Variants in RAVER1 observed in about 807,000 individuals in gnomAD.
The protein encoded by RAVER1 is ribonucleoprotein, PTB binding 1.
In RAVER1, 36 loss-of-function variants were observed where a neutral mutation model predicts 68.4. The observed-to-expected ratio is 0.53, with a 90% CI of 0.40 to 0.70. The LOEUF (loss-of-function observed/expected upper bound fraction) is 0.70. RAVER1 is among the 30% of genes least tolerant of loss of function. The pLI is 0.00. For missense variants in RAVER1, 933 were observed against 1,019.8 expected (o/e 0.91, Z 1.16); for synonymous variants, 469 against 472.7 (o/e 0.99, Z 0.10).
chr19:10,319,039 T>C, intron 10 of RAVER1, 127 bp downstream of exon 10: 1 of 831,080 alleles, frequency 1.2e-6, no homozygotes, highest in Non-Finnish European at 1.9e-6. Flanking sequence ...AGTGAGATCC[T>C]GTCTTAAAAA....
At chr19:10,321,722 G>A (rs367932256) in intron 6 of RAVER1, 104 bp from the exon 7 acceptor site, 6 of 862,472 alleles carry the variant, frequency 7.0e-6, no homozygotes, top group South Asian at 4.2e-5. Flanking sequence ...TCCAGGGCAC[G>A]GCCGATCCTG....
intron 1 of RAVER1, among the ~76,000 whole-genome samples, chr19:10,331,040 G>C (rs1397131577): frequency 6.7e-6 from 1 of 148,952 alleles, no homozygotes; most frequent in Non-Finnish European, 1.5e-5. Context: ...GTGACAAAGG[G>C]AGACACTGTC....
At chr19:10,331,304 T>C (rs1208564453) in intron 1 of RAVER1, among the ~76,000 whole-genome samples, 1 of 128,844 alleles carries the variant, frequency 7.8e-6, no homozygotes, top group Non-Finnish European at 1.5e-5. Context: ...GAGCCGAGAT[T>C]GCGCCACTGC....
chr19:10,324,210 G>A (rs12611016), intron 3 of RAVER1, among the ~76,000 whole-genome samples: 19,820 of 151,486 alleles, frequency 0.13, 1,712 homozygotes, highest in Admixed American at 0.25. Flanking sequence ...AAGGGCTCTC[G>A]TTCCAGACAG....
intron 2 of RAVER1, among the ~76,000 whole-genome samples, 154 bp downstream of exon 2, chr19:10,330,306 G>C (rs1303366699): frequency 6.6e-6 from 1 of 152,180 alleles, no homozygotes; most frequent in Admixed American, 6.5e-5. Context: ...GCTGTCCCAA[G>C]ATGACAGGAT....
Position 10,322,656 on chromosome 19 carries a change from G to T in RAVER1, c.1162C>A (p.Gln388Lys). The change falls in exon 6 of 13, where the codon CAG becomes AAG. Residue 388 changes from glutamine (Q) to lysine (K), a missense_variant. Physicochemically the swap from Gln to Lys is moderately conservative, Grantham distance 53 (BLOSUM62 1). Transcript: ENST00000617231. The surrounding 1 kb of genome is among the most constrained non-coding windows in gnomAD (Gnocchi z 4.3). ...TALLQLALQTQGQKKPGILGD... is the reference protein window; with the variant it reads ...TALLQLALQTKGQKKPGILGD... ...GATGCGTGTGTTACCTTCTGGCCCT[G>T]GGTCTGCAGGGCGAGCTGCAACAGC... 6.5e-7 allele frequency: 1 copy of T among 1,536,550 alleles called. No homozygotes were observed. Among genetic ancestry groups the T allele is most frequent in the Non-Finnish European group, 8.7e-7 (1 of 1,150,330 alleles).
At chr19:10,324,176 A>G (rs896571777) in intron 3 of RAVER1, among the ~76,000 whole-genome samples, 2 of 149,988 alleles carry the variant, frequency 1.3e-5, no homozygotes, top group Non-Finnish European at 3.0e-5. Flanking sequence ...AAAAAAAGAG[A>G]TAATCAGCAA....
Position 10,318,374 on chromosome 19 carries a change from T to C in RAVER1, c.1846-2A>G. The C allele has an allele frequency of 1.3e-6, 2 of 1,593,846 alleles. No homozygotes were observed. The highest frequency in any genetic ancestry group is 8.5e-7 in the Non-Finnish European group (1 of 1,172,802). On this transcript the variant is annotated splice_acceptor_variant, in intron 10 of 12. Coordinates refer to ENST00000617231, the MANE Select transcript of RAVER1 (RefSeq NM_133452.3). LOFTEE classifies it high-confidence loss of function. ...GAAGCCACTGGGCGGGGGGGACATCTGTAGAAGAAGGGCCGGTGGAGTGAA... is the reference window on the plus strand; with the variant it reads ...GAAGCCACTGGGCGGGGGGGACATCCGTAGAAGAAGGGCCGGTGGAGTGAA...
At position 10,333,017 on chromosome 19, in the gene RAVER1, C is replaced by T. The variant is rs2145088254; in HGVS notation, c.219+272G>A. The stretch of plus-strand genomic sequence containing the variant: ...CCCAACAGGACCAAAGCTGTCCGCC[C>T]CCTTCCATTCCCCGCCCGCTTCCAT... On this transcript the variant is annotated intron_variant, in intron 1 of 12. Transcript: ENST00000617231. This position sits in a 1 kb window ranked among gnomAD's most constrained non-coding sequence, Gnocchi z 4.2. 6.6e-6 allele frequency among the ~76,000 whole-genome samples: 1 copy of T among 152,288 alleles called. No individual in the cohort carries two copies. Among genetic ancestry groups the T allele is most frequent in the South Asian group, 2.1e-4 (1 of 4,824 alleles).
chr19:10,328,950 C>T lies in RAVER1; in HGVS notation c.448G>A (p.Glu150Lys). The change falls in exon 3 of 13, where the codon GAG becomes AAG. Residue 150 changes from glutamate (E) to lysine (K), a missense_variant. Physicochemically the swap from Glu to Lys is moderately conservative, Grantham distance 56. Transcript: ENST00000617231. The surrounding 1 kb of genome is among the most constrained non-coding windows in gnomAD (Gnocchi z 4.4). Reference protein sequence around the residue: ...PPSLTQQQFEELVRPFGSLER... With the variant: ...PPSLTQQQFEKLVRPFGSLER... ...AGGCTGCCGAAGGGCCGCACCAGCT[C>T]CTCGAACTGCTGCTGTGTGAGGCTG... is the stretch of plus-strand genomic sequence containing the variant. 6.2e-7 allele frequency: 1 copy of T among 1,606,826 alleles called. No individual in the cohort carries two copies. Among genetic ancestry groups the T allele is most frequent in the Admixed American group, 1.7e-5 (1 of 59,730 alleles).
chr19:10,317,685 C>G lies in RAVER1; in HGVS notation c.2073+5G>C, dbSNP rs774215306. The G allele has an allele frequency of 1.3e-6, 2 of 1,573,300 alleles. No individual in the cohort carries two copies. Among genetic ancestry groups the G allele is most frequent in the African/African-American group, 1.3e-5 (1 of 74,256 alleles). ...GCCCTGCATGTCCCCACCCCCTGCC[C>G]GTACCTTCAGCAGGTGGCTGTGACC... On this transcript the variant is annotated splice_donor_5th_base_variant and intron_variant, in intron 12 of 12. Transcript: ENST00000617231. This position sits in a 1 kb window ranked among gnomAD's most constrained non-coding sequence, Gnocchi z 4.3.
At chr19:10,325,558 T>C (rs1275485508) in intron 3 of RAVER1, among the ~76,000 whole-genome samples, 1 of 151,648 alleles carries the variant, frequency 6.6e-6, no homozygotes, top group Non-Finnish European at 1.5e-5. Flanking sequence ...GCCAGGCTGG[T>C]TTCGAACTCC....
intron 1 of RAVER1, 94 bp from the exon 2 acceptor site, chr19:10,330,620 G>C (rs2040508164): frequency 1.5e-6 from 1 of 645,814 alleles, no homozygotes; most frequent in African/African-American, 1.8e-5. Flanking sequence ...ATGAAGGCAG[G>C]TCAATTACCA....
rs139077305 is a variant in RAVER1 at position 10,322,798 on chromosome 19, C to T, written c.1079-59G>A. 38 of 1,026,006 alleles carry T rather than the reference C, an allele frequency of 3.7e-5. No individual in the cohort carries two copies. Among genetic ancestry groups the T allele is most frequent in the East Asian group, 6.1e-5 (2 of 32,750 alleles). The allele number at this position is 1,026,006 out of a possible 1,614,324, so 63.6% of individuals were successfully genotyped here. ...CCTGTGTCCTCCCTGCCCCACCTCA[C>T]GAAACACAGCCCTGAACCCATTGAT... is the stretch of plus-strand genomic sequence containing the variant. On this transcript the variant is annotated intron_variant, in intron 5 of 12. Coordinates refer to ENST00000617231, the MANE Select transcript of RAVER1 (RefSeq NM_133452.3). This position sits in a 1 kb window ranked among gnomAD's most constrained non-coding sequence, Gnocchi z 4.3.
chr19:10,322,779 T>A lies in RAVER1; in HGVS notation c.1079-40A>T, dbSNP rs751304839. The A allele has an allele frequency of 4.7e-5, 58 of 1,225,420 alleles. No homozygotes were observed. Among genetic ancestry groups the A allele is most frequent in the Non-Finnish European group, 5.7e-5 (52 of 917,506 alleles). 75.9% of individuals were successfully genotyped at this position (1,225,420 alleles called of 1,614,324 possible). A position where few individuals can be genotyped will look rare whatever the true frequency, so the allele number is the denominator to read the frequency against. On this transcript the variant is annotated intron_variant, in intron 5 of 12. Transcript: ENST00000617231. This position sits in a 1 kb window ranked among gnomAD's most constrained non-coding sequence, Gnocchi z 4.3. The stretch of plus-strand genomic sequence containing the variant: ...AGGAGGATGTGTGGGGGTCCCTGTG[T>A]CCTCCCTGCCCCACCTCACGAAACA...
chr19:10,328,763 T>A lies in RAVER1; in HGVS notation c.635A>T (p.Gln212Leu), dbSNP rs1212800440. The change falls in exon 3 of 13, where the codon CAA (glutamine) becomes CTA (leucine). Residue 212 changes from glutamine (Q) to leucine (L), a missense_variant. This residue lies in a region of RAVER1 where 699 missense variants were observed against 731.1 expected (regional missense o/e 0.96). Coordinates refer to ENST00000617231, the MANE Select transcript of RAVER1 (RefSeq NM_133452.3). This position sits in a 1 kb window ranked among gnomAD's most constrained non-coding sequence, Gnocchi z 4.4. ...GGAGTGGAGAAGGGCAGGCGTCAGT[T>A]GCCCGGCATCCGTCCAGTGCACGTA... ...TLYVHWTDAG[Q>L]LTPALLHSRC... The A allele has an allele frequency of 6.2e-7, 1 of 1,612,974 alleles. No homozygotes were observed. Among genetic ancestry groups the A allele is most frequent in the Admixed American group, 1.7e-5 (1 of 59,994 alleles).
chr19:10,332,576 A>G (rs908611255), intron 1 of RAVER1, among the ~76,000 whole-genome samples: 1 of 152,134 alleles, frequency 6.6e-6, no homozygotes, highest in African/African-American at 2.4e-5. Context: ...AACCTATTTC[A>G]CCGCCATAGG....
Position 10,317,556 on chromosome 19 carries a change from G to A in RAVER1, c.2118C>T (p.Pro706=), listed in dbSNP as rs1386445378. 6 of 1,612,906 alleles carry A rather than the reference G, an allele frequency of 3.7e-6. No homozygotes were observed. The highest frequency in any genetic ancestry group is 5.1e-6 in the Non-Finnish European group (6 of 1,179,536). Residue 706 remains proline (P), a synonymous_variant, in exon 13 of 13, where the codon CCC becomes CCT. Coordinates refer to ENST00000617231, the MANE Select transcript of RAVER1 (RefSeq NM_133452.3). The surrounding 1 kb of genome is among the most constrained non-coding windows in gnomAD (Gnocchi z 4.3). The part of the protein sequence containing the change: ...GQKRSFAHLL[P]SPEPSPEGSY... The stretch of plus-strand genomic sequence containing the variant: ...TGCCTTCTGGGCTGGGCTCGGGCGA[G>A]GGCAGCAGGTGGGCAAAGCTGCGTT...
At position 10,317,818 on chromosome 19, in the gene RAVER1, G is replaced by C; in HGVS notation, c.1990-45C>G. Reference sequence around the variant, plus strand: ...GGAACAGGTCACTCCCTGGGGGCCAGAGGAAGCACCCACCCCGCCCCCCTG... The same window carrying C: ...GGAACAGGTCACTCCCTGGGGGCCACAGGAAGCACCCACCCCGCCCCCCTG... On this transcript the variant is annotated intron_variant, in intron 11 of 12. Coordinates refer to ENST00000617231, the MANE Select transcript of RAVER1 (RefSeq NM_133452.3). This position sits in a 1 kb window ranked among gnomAD's most constrained non-coding sequence, Gnocchi z 4.3. 1.7e-6 allele frequency: 2 copies of C among 1,166,306 alleles called. No homozygotes were observed. The highest frequency in any genetic ancestry group is 2.5e-6 in the Non-Finnish European group (2 of 796,912). The allele number at this position is 1,166,306 out of a possible 1,614,324, so 72.2% of individuals were successfully genotyped here. A position where few individuals can be genotyped will look rare whatever the true frequency, so the allele number is the denominator to read the frequency against.
Sources: allele counts gnomAD v4.1 joint callset (sites outside exome capture counted in the v4.1 genomes callset), GRCh38; gene constraint gnomAD v4.1.1; regional missense constraint gnomAD v4.1.1; non-coding constraint Gnocchi (gnomAD v3.1); transcripts MANE v1.5; gene names NCBI Gene and HGNC (gene_info 2026-07-23, HGNC 2026-07-21).